The following NRG1 variants were observed in gnomAD, a reference collection of about 807,000 sequenced individuals.
NRG1 encodes the protein neuregulin 1.
Under a neutral mutation model 63.8 loss-of-function variants are expected in NRG1, and 18 were observed. That is an observed-to-expected ratio of 0.28 (90% confidence interval 0.19 to 0.42). NRG1 has a LOEUF of 0.42. NRG1 is among the 10% of genes least tolerant of loss of function. The pLI is 1.00. For missense variants in NRG1, 762 were observed against 814.7 expected (o/e 0.94, Z 0.79); for synonymous variants, 302 against 301.3 (o/e 1.00, Z -0.02).
intron 1 of NRG1, among the ~76,000 whole-genome samples, chr8:31,809,663 A>G (rs1563428408): frequency 6.7e-6 from 1 of 149,242 alleles, no homozygotes; most frequent in Non-Finnish European, 1.5e-5. Context: ...GTTTTTCTTA[A>G]TGGCTGTAAT....
chr8:31,766,738 C>T (rs1818104892), intron 1 of NRG1, among the ~76,000 whole-genome samples: 1 of 151,992 alleles, frequency 6.6e-6, no homozygotes, highest in African/African-American at 2.4e-5. Context: ...AAGCAATACT[C>T]TAGACTTTAG....
intron 1 of NRG1, among the ~76,000 whole-genome samples, chr8:32,210,992 T>C (rs1844650467): frequency 6.6e-6 from 1 of 152,202 alleles, no homozygotes; most frequent in African/African-American, 2.4e-5. Context: ...GCTCACAATA[T>C]TAATACACCC....
chr8:32,291,829 A>G (rs1854237926), intron 1 of NRG1, among the ~76,000 whole-genome samples: 1 of 151,626 alleles, frequency 6.6e-6, no homozygotes, highest in Non-Finnish European at 1.5e-5. Flanking sequence ...ATTGCTATCC[A>G]CTCTTGATAC....
At chr8:32,253,835 G>C (rs1849386644) in intron 1 of NRG1, among the ~76,000 whole-genome samples, 1 of 151,964 alleles carries the variant, frequency 6.6e-6, no homozygotes, top group Admixed American at 6.6e-5. Context: ...CTTTTCGATT[G>C]GTAGGCTATT....
At chr8:32,653,513 G>A (rs1180478163) in intron 5 of NRG1, among the ~76,000 whole-genome samples, 1 of 152,146 alleles carries the variant, frequency 6.6e-6, no homozygotes, top group Non-Finnish European at 1.5e-5. Flanking sequence ...AGCCAGGGGT[G>A]ATTCACCATA....
At chr8:31,803,327 G>A (rs1821969639) in intron 1 of NRG1, among the ~76,000 whole-genome samples, 1 of 152,116 alleles carries the variant, frequency 6.6e-6, no homozygotes, top group Non-Finnish European at 1.5e-5. Context: ...TTTGGGGCTG[G>A]GAAAATGGAG....
At chr8:32,325,354 C>T (rs1299975089) in intron 1 of NRG1, among the ~76,000 whole-genome samples, 1 of 152,072 alleles carries the variant, frequency 6.6e-6, no homozygotes, top group Middle Eastern at 3.2e-3. Flanking sequence ...TCAGTTACTT[C>T]CTATTTATAT....
intron 1 of NRG1, among the ~76,000 whole-genome samples, chr8:31,646,494 C>G (rs1426079263): frequency 6.6e-6 from 1 of 152,172 alleles, no homozygotes; most frequent in Admixed American, 6.5e-5. Context: ...GTCAGCTTCA[C>G]TAAATTTGGA....
chr8:31,788,171 A>G (rs1338787740), intron 1 of NRG1, among the ~76,000 whole-genome samples: 1 of 152,120 alleles, frequency 6.6e-6, no homozygotes, highest in Non-Finnish European at 1.5e-5. Context: ...TTTTTATAGT[A>G]TAAAAATTGG....
chr8:32,196,502 A>G (rs76547865), intron 1 of NRG1, among the ~76,000 whole-genome samples: 3,232 of 152,316 alleles, frequency 0.021, 46 homozygotes, highest in Non-Finnish European at 0.035. Context: ...CTAGGATGAG[A>G]AGACAAGACT....
intron 1 of NRG1, among the ~76,000 whole-genome samples, chr8:31,737,326 C>T (rs1814781739): frequency 6.6e-6 from 1 of 151,980 alleles, no homozygotes; most frequent in Non-Finnish European, 1.5e-5. Flanking sequence ...TTACCTAGGG[C>T]CCTGGTCTCA....
At chr8:32,312,535 C>A (rs1160547158) in intron 1 of NRG1, among the ~76,000 whole-genome samples, 2 of 151,850 alleles carry the variant, frequency 1.3e-5, no homozygotes, top group African/African-American at 4.8e-5. Flanking sequence ...GGCATACTCA[C>A]AGAGCAAGAA....
In NRG1 at chr8:31,762,335, A is replaced by G. The variant is rs778255049; in HGVS notation, c.37+122904A>G. Among the ~76,000 whole-genome samples, 18 of 152,184 alleles carry G rather than the reference A, an allele frequency of 1.2e-4. No individual in the cohort carries two copies. The South Asian group carries it at 1.2e-3, about 10-fold the overall frequency. On this transcript the variant is annotated intron_variant, in intron 1 of 10. Transcript: ENST00000519301. ...CCTGTTTTAGTTTGCTGAGGATGAT[A>G]GCTTCCAGCTTCATCCATGTACCTG...
rs1406477579 is a variant in NRG1, at chr8:32,239,927, G to C, written c.38-355901G>C. Reference sequence around the variant, plus strand: ...AATACCAATTGCTGGAGAGGATGTGGAGAAACTGGATCACTCATACATTGT... The same window carrying C: ...AATACCAATTGCTGGAGAGGATGTGCAGAAACTGGATCACTCATACATTGT... On this transcript the variant is annotated intron_variant, in intron 1 of 10. Coordinates refer to the NRG1 transcript ENST00000519301. Among the ~76,000 whole-genome samples, 5 of 152,298 alleles carry C rather than the reference G, an allele frequency of 3.3e-5. No individual in the cohort carries two copies. The East Asian group carries it at 9.6e-4, about 29-fold the overall frequency.
intron 1 of NRG1, among the ~76,000 whole-genome samples, chr8:31,719,755 T>A (rs1812714256): frequency 6.6e-6 from 1 of 152,190 alleles, no homozygotes; most frequent in Non-Finnish European, 1.5e-5. Context: ...TAGTCATGCA[T>A]GACATGTGTC....
intron 1 of NRG1, among the ~76,000 whole-genome samples, chr8:32,032,736 C>A (rs973532352): frequency 2.0e-5 from 3 of 152,168 alleles, no homozygotes; most frequent in Non-Finnish European, 2.9e-5. Flanking sequence ...CCTGTTCACT[C>A]TAATGAAAAT....
Position 32,332,695 on chromosome 8 carries a change from A to C in NRG1, c.38-263133A>C, listed in dbSNP as rs879911290. Among the ~76,000 whole-genome samples, 23 of 152,268 alleles carry C rather than the reference A, an allele frequency of 1.5e-4. 1 individual carries two copies. The highest frequency in any genetic ancestry group is 1.4e-3 in the Admixed American group (22 of 15,286). On this transcript the variant is annotated intron_variant, in intron 1 of 10. Coordinates refer to the NRG1 transcript ENST00000519301. ...TAGAGAATTGAATACATTTTCTTTG[A>C]TGTCATAGCAAGTAAGAAAAAAGGC...
chr8:32,107,060 T>TACAACAACAACA (rs10633352), intron 1 of NRG1, among the ~76,000 whole-genome samples: 14 of 150,070 alleles, frequency 9.3e-5, no homozygotes, highest in Non-Finnish European at 2.1e-4. Context: ...CTACTAAAAA[T>TACAACAACAACA]ACAACAACAA....
chr8:32,754,277 TG>T, intron 7 of NRG1, 94 bp from the exon 8 acceptor site: 1 of 985,378 alleles, frequency 1.0e-6, no homozygotes, highest in Non-Finnish European at 1.6e-6. Context: ...CTTGTGAACA[TG>T]GACAATGTCA....
Sources: gnomAD v4.1 joint callset for allele counts (sites outside exome capture counted in the v4.1 genomes callset) on GRCh38, gnomAD v4.1.1 for gene constraint, MANE v1.5 for transcripts, NCBI Gene and HGNC (gene_info 2026-07-23, HGNC 2026-07-21) for gene names.